The following ROBO1 variants were observed in gnomAD, a reference collection of about 807,000 sequenced individuals.
The protein encoded by ROBO1 is roundabout guidance receptor 1.
In ROBO1, 149 loss-of-function variants were observed where a neutral mutation model predicts 195.9. That is an observed-to-expected ratio of 0.76 (90% confidence interval 0.67 to 0.87). The LOEUF (loss-of-function observed/expected upper bound fraction) is 0.87, where lower values mean the gene tolerates loss of function less well. ROBO1 is among the 40% of genes least tolerant of loss of function. The probability of loss-of-function intolerance (pLI) is 0.00; values close to 1 mark genes in which losing one functional copy is unlikely to be tolerated. For missense variants in ROBO1, 1,933 were observed against 2,068.3 expected, an observed-to-expected ratio of 0.93 and a Z score of 1.27; for synonymous variants, 816 against 733.2, an observed-to-expected ratio of 1.11 and a Z score of -1.82.
intron 2 of ROBO1, among the ~76,000 whole-genome samples, chr3:79,336,514 T>C (rs535751182): frequency 2.0e-4 from 31 of 152,326 alleles, no homozygotes; most frequent in East Asian, 5.8e-4. Flanking sequence ...GAGTGAAGAA[T>C]TGAGGTTTGG....
intron 29 of ROBO1, among the ~76,000 whole-genome samples, chr3:78,601,809 C>T (rs563731490): frequency 6.6e-6 from 1 of 152,156 alleles, no homozygotes; most frequent in East Asian, 1.9e-4. Context: ...ACCGTGTTTC[C>T]AGCCTTGTGT....
intron 2 of ROBO1, among the ~76,000 whole-genome samples, chr3:79,317,222 T>C (rs2033775203): frequency 6.6e-6 from 1 of 152,120 alleles, no homozygotes; most frequent in Non-Finnish European, 1.5e-5. Flanking sequence ...CAATCTCCAA[T>C]TTAAACCAAA....
intron 2 of ROBO1, among the ~76,000 whole-genome samples, chr3:79,402,111 CA>C (rs1374746341): frequency 6.6e-6 from 1 of 151,620 alleles, no homozygotes; most frequent in Non-Finnish European, 1.5e-5. Context: ...TCTCAAAATA[CA>C]ACGTAATTTT....
chr3:78,775,630 G>A (rs993396819), intron 4 of ROBO1, among the ~76,000 whole-genome samples: 4 of 152,092 alleles, frequency 2.6e-5, no homozygotes, highest in African/African-American at 9.7e-5. Flanking sequence ...TCAATTTGTT[G>A]AGCGAAAAAA....
intron 2 of ROBO1, among the ~76,000 whole-genome samples, chr3:79,483,608 T>A (rs1938984973): frequency 6.6e-6 from 1 of 152,204 alleles, no homozygotes; most frequent in Admixed American, 6.5e-5. Flanking sequence ...GCTACAAACC[T>A]GTAAATCATG....
chr3:78,751,053 T>C (rs190878018), intron 4 of ROBO1, among the ~76,000 whole-genome samples: 39 of 152,340 alleles, frequency 2.6e-4, no homozygotes, highest in South Asian at 1.0e-3. Context: ...GCTTGACTTA[T>C]GGCGATTGTG....
intron 3 of ROBO1, among the ~76,000 whole-genome samples, chr3:78,985,567 G>C (rs1400488744): frequency 2.0e-5 from 3 of 151,908 alleles, no homozygotes; most frequent in African/African-American, 7.3e-5. Context: ...CTCAGACTTG[G>C]CACTACTGAC....
At chr3:79,393,650 T>G (rs1260609300) in intron 2 of ROBO1, among the ~76,000 whole-genome samples, 4 of 152,166 alleles carry the variant, frequency 2.6e-5, no homozygotes, top group Non-Finnish European at 4.4e-5. Flanking sequence ...AAGTCATTCT[T>G]CACAAGTGGC....
rs541332527 is a variant in ROBO1 at position 79,345,692 on chromosome 3, C to T, written c.89-220153G>A. 4.6e-5 allele frequency among the ~76,000 whole-genome samples: 7 copies of T among 152,230 alleles called. No individual in the cohort carries two copies. In the East Asian group the frequency reaches 1.4e-3, roughly 29 times the overall value. ...ACTTTCTAATCATGATATGATGCAG[C>T]TTGAGTGACTGAATGCCTACAGAGG... is the stretch of plus-strand genomic sequence containing the variant. On this transcript the variant is annotated intron_variant, in intron 2 of 30. Coordinates refer to ENST00000464233, the MANE Select transcript of ROBO1 (RefSeq NM_002941.4).
chr3:79,408,873 C>A (rs1027641685), intron 2 of ROBO1, among the ~76,000 whole-genome samples: 13 of 152,024 alleles, frequency 8.6e-5, no homozygotes, highest in African/African-American at 3.1e-4. Context: ...TATTCAATAC[C>A]TTTTATATAT....
At chr3:79,591,055 A>G (rs1041620536) in intron 1 of ROBO1, among the ~76,000 whole-genome samples, 30 of 151,834 alleles carry the variant, frequency 2.0e-4, no homozygotes, top group African/African-American at 7.2e-4. Flanking sequence ...TCTGGTAGGA[A>G]TAGACAATAG....
Position 79,467,550 on chromosome 3 carries a change from T to C in ROBO1, c.88+122274A>G, listed in dbSNP as rs373757412. Reference sequence around the variant, plus strand: ...GAGTGTCTGAATGTCAAGAAGATGGTTGGAGAGGAGATTGGCTGTGGGACA... The same window carrying C: ...GAGTGTCTGAATGTCAAGAAGATGGCTGGAGAGGAGATTGGCTGTGGGACA... On this transcript the variant is annotated intron_variant, in intron 2 of 30. Coordinates refer to ENST00000464233, the MANE Select transcript of ROBO1 (RefSeq NM_002941.4). Among the ~76,000 whole-genome samples, 172 of 151,730 alleles carry C rather than the reference T, an allele frequency of 1.1e-3. 4 individuals carry two copies. The South Asian group carries it at 0.023, about 20-fold the overall frequency.
intron 1 of ROBO1, among the ~76,000 whole-genome samples, chr3:79,727,755 C>A (rs1039561250): frequency 1.3e-5 from 2 of 152,132 alleles, no homozygotes; most frequent in Non-Finnish European, 2.9e-5. Flanking sequence ...TTTAAAATCT[C>A]AGTGCAGTTA....
intron 1 of ROBO1, among the ~76,000 whole-genome samples, chr3:79,746,841 A>G (rs547561790): frequency 1.3e-5 from 2 of 152,100 alleles, no homozygotes; most frequent in South Asian, 2.1e-4. Flanking sequence ...TTACATTTGC[A>G]TAAGACTTGG....
chr3:78,644,463 T>C (rs148342544), intron 21 of ROBO1, among the ~76,000 whole-genome samples: 88 of 152,270 alleles, frequency 5.8e-4, no homozygotes, highest in African/African-American at 1.8e-3. Flanking sequence ...ATTTTGAGCA[T>C]TGACTCTGAA....
chr3:79,454,945 T>C (rs141472294), intron 2 of ROBO1, among the ~76,000 whole-genome samples: 5 of 152,256 alleles, frequency 3.3e-5, no homozygotes, highest in African/African-American at 9.6e-5. Flanking sequence ...TAGATGCCCA[T>C]AGGCAAAGTC....
At chr3:78,986,239 C>T (rs1033848095) in intron 3 of ROBO1, among the ~76,000 whole-genome samples, 1 of 152,102 alleles carries the variant, frequency 6.6e-6, no homozygotes, top group African/African-American at 2.4e-5. Flanking sequence ...ACCACCTCAC[C>T]ATTTGGTGCC....
At chr3:79,708,704 T>A (rs193079050) in intron 1 of ROBO1, among the ~76,000 whole-genome samples, 1 of 152,080 alleles carries the variant, frequency 6.6e-6, no homozygotes, top group Non-Finnish European at 1.5e-5. Flanking sequence ...GTCTACAAAA[T>A]ATTAAAAAGA....
chr3:78,896,325 C>T (rs577132611), intron 4 of ROBO1, among the ~76,000 whole-genome samples: 2 of 152,258 alleles, frequency 1.3e-5, no homozygotes, highest in Non-Finnish European at 2.9e-5. Flanking sequence ...TGCACCTATA[C>T]ATCCAGATGG....
Sources: gnomAD v4.1 joint callset for allele counts (sites outside exome capture counted in the v4.1 genomes callset) on GRCh38, gnomAD v4.1.1 for gene constraint, MANE v1.5 for transcripts, NCBI Gene and HGNC (gene_info 2026-07-23, HGNC 2026-07-21) for gene names.